The following CYP7B1 variants were observed in gnomAD, a reference collection of about 807,000 sequenced individuals.
The protein encoded by CYP7B1 is cytochrome P450 family 7 subfamily B member 1.
A neutral mutation model predicts 42.7 loss-of-function variants in CYP7B1; 29 were observed. That is an observed-to-expected ratio of 0.68 (90% CI 0.51 to 0.93). CYP7B1 has a LOEUF of 0.93. Among genes scored for constraint, CYP7B1 ranks in the 40% least tolerant of loss-of-function variants. The pLI is 0.00. For missense variants in CYP7B1, 655 were observed against 600.5 expected (o/e 1.09, Z -0.95); for synonymous variants, 235 against 218.2 (o/e 1.08, Z -0.68).
chr8:64,778,190 T>C (rs1049588575), intron 1 of CYP7B1, among the ~76,000 whole-genome samples: 14 of 146,920 alleles, frequency 9.5e-5, no homozygotes, highest in African/African-American at 3.2e-4. Flanking sequence ...TATATATATA[T>C]ATATATATAT....
chr8:64,774,034 G>A (rs554143216), intron 1 of CYP7B1, among the ~76,000 whole-genome samples: 24 of 152,180 alleles, frequency 1.6e-4, no homozygotes, highest in Admixed American at 1.1e-3. Flanking sequence ...CACCTAGTAC[G>A]GTCCTTCATA....
chr8:64,781,546 T>C (rs1804424220), intron 1 of CYP7B1, among the ~76,000 whole-genome samples: 1 of 152,108 alleles, frequency 6.6e-6, no homozygotes, highest in Non-Finnish European at 1.5e-5. Flanking sequence ...CAGGAAATAC[T>C]TCATCCACCA....
intron 1 of CYP7B1, among the ~76,000 whole-genome samples, chr8:64,727,543 A>C (rs1049864448): frequency 6.6e-6 from 1 of 152,204 alleles, no homozygotes; most frequent in African/African-American, 2.4e-5. Flanking sequence ...AATTATCATG[A>C]AGATTCCAAC....
intron 1 of CYP7B1, among the ~76,000 whole-genome samples, chr8:64,751,327 G>A (rs1807722237): frequency 6.6e-6 from 1 of 152,044 alleles, no homozygotes; most frequent in Non-Finnish European, 1.5e-5. Flanking sequence ...ACATCACATG[G>A]AATTGTAAAC....
intron 1 of CYP7B1, among the ~76,000 whole-genome samples, chr8:64,663,430 G>A (rs1392178711): frequency 6.6e-6 from 1 of 152,168 alleles, no homozygotes; most frequent in Non-Finnish European, 1.5e-5. Flanking sequence ...TAACATGAGG[G>A]GGCTGAATCA....
In CYP7B1 at chr8:64,615,682, A is replaced by C; in HGVS notation, c.850+9T>G. On this transcript the variant is annotated intron_variant, in intron 3 of 5. Coordinates refer to ENST00000310193, the MANE Select transcript of CYP7B1 (RefSeq NM_004820.5). ...TATTTTAGGCAAGTGCTCATTCAGA[A>C]GTTCTTACCTCCTATTTCAAGGTCC... 6.2e-7 allele frequency: 1 copy of C among 1,611,788 alleles called. No homozygotes were observed. The highest frequency in any genetic ancestry group is 8.5e-7 in the Non-Finnish European group (1 of 1,178,082).
chr8:64,734,507 G>T (rs1807458009), intron 1 of CYP7B1: 3 of 152,140 alleles, frequency 2.0e-5, no homozygotes, highest in Admixed American at 2.0e-4. Flanking sequence ...CTTTCATAAG[G>T]CATTAATCCA....
chr8:64,788,951 C>T (rs1804572190), intron 1 of CYP7B1, among the ~76,000 whole-genome samples: 1 of 152,186 alleles, frequency 6.6e-6, no homozygotes, highest in African/African-American at 2.4e-5. Context: ...GATGCAGTCT[C>T]ACTCTGTCGC....
intron 1 of CYP7B1, among the ~76,000 whole-genome samples, chr8:64,694,824 T>C (rs1457135708): frequency 1.3e-5 from 2 of 152,172 alleles, no homozygotes; most frequent in East Asian, 1.9e-4. Flanking sequence ...AGGAATGTAA[T>C]GGTTTCCCAG....
intron 1 of CYP7B1, among the ~76,000 whole-genome samples, chr8:64,794,857 T>A (rs749421917): frequency 1.3e-5 from 2 of 152,138 alleles, no homozygotes; most frequent in Non-Finnish European, 2.9e-5. Flanking sequence ...CAGAAATGTA[T>A]CTGCGTGCTA....
In CYP7B1 at chr8:64,798,383, A is replaced by AG. The variant is rs1804741036; in HGVS notation, c.122+82dup. ...TGACTGTCTGCACTGGAAATCATGG[A>AG]GGGGGACTCCCCTCGCCATCTGGGT... On this transcript the variant is annotated intron_variant, in intron 1 of 5. Transcript: ENST00000310193. The AG allele has an allele frequency of 2.3e-5, 32 of 1,417,220 alleles. No individual in the cohort carries two copies. In the South Asian group the frequency reaches 4.4e-4, roughly 20 times the overall value. The allele number at this position is 1,417,220 out of a possible 1,614,324, so 87.8% of individuals were successfully genotyped here.
intron 1 of CYP7B1, among the ~76,000 whole-genome samples, chr8:64,771,766 C>T (rs533291507): frequency 6.6e-6 from 1 of 152,356 alleles, no homozygotes; most frequent in Non-Finnish European, 1.5e-5. Flanking sequence ...TCTCATTCTA[C>T]ATGAAGCTTA....
chr8:64,643,192 T>C (rs57100273), intron 1 of CYP7B1, among the ~76,000 whole-genome samples: 8,206 of 115,004 alleles, frequency 0.071, 342 homozygotes, highest in East Asian at 0.18. Flanking sequence ...CATATATATA[T>C]ACACACACAC....
At chr8:64,766,393 T>C (rs539170321) in intron 1 of CYP7B1, among the ~76,000 whole-genome samples, 3 of 152,186 alleles carry the variant, frequency 2.0e-5, no homozygotes, top group African/African-American at 7.2e-5. Context: ...TTGCCGACAT[T>C]AGAAAAAACT....
At chr8:64,683,731 C>T (rs972677271) in intron 1 of CYP7B1, among the ~76,000 whole-genome samples, 1 of 152,130 alleles carries the variant, frequency 6.6e-6, no homozygotes, top group Non-Finnish European at 1.5e-5. Context: ...TATACACCTA[C>T]TATGTACCCA....
chr8:64,650,396 C>T (rs982276846), intron 1 of CYP7B1, among the ~76,000 whole-genome samples: 1 of 152,008 alleles, frequency 6.6e-6, no homozygotes, highest in Admixed American at 6.6e-5. Flanking sequence ...GTCTGTAATC[C>T]CAGCACTTTG....
At chr8:64,770,625 A>C (rs1390428332) in intron 1 of CYP7B1, among the ~76,000 whole-genome samples, 1 of 152,248 alleles carries the variant, frequency 6.6e-6, no homozygotes, top group Non-Finnish European at 1.5e-5. Flanking sequence ...CATTAAACAA[A>C]CAACACAAAT....
intron 1 of CYP7B1, among the ~76,000 whole-genome samples, chr8:64,687,138 T>G (rs1806665390): frequency 6.7e-6 from 1 of 148,604 alleles, no homozygotes; most frequent in East Asian, 1.9e-4. Context: ...AAAAATAAAT[T>G]TAAAAAAAAA....
chr8:64,692,973 T>G (rs1806770145), intron 1 of CYP7B1, among the ~76,000 whole-genome samples: 1 of 152,238 alleles, frequency 6.6e-6, no homozygotes, highest in African/African-American at 2.4e-5. Context: ...CAAAGCTGTC[T>G]CCTCATGGAC....
Sources: allele counts gnomAD v4.1 joint callset (sites outside exome capture counted in the v4.1 genomes callset), GRCh38; gene constraint gnomAD v4.1.1; transcripts MANE v1.5; gene names NCBI Gene and HGNC (gene_info 2026-07-23, HGNC 2026-07-21).